Variants in COL6A3 observed in about 807,000 individuals in gnomAD.
The protein encoded by COL6A3 is collagen type VI alpha 3 chain.
A neutral mutation model predicts 274.1 loss-of-function variants in COL6A3; 137 were observed. The observed-to-expected ratio is 0.50, with a 90% CI of 0.44 to 0.58. The LOEUF is 0.58. COL6A3 is among the 20% of genes least tolerant of loss of function. COL6A3 has a pLI of 0.00. For synonymous variants in COL6A3, 1,650 were observed against 1,650.6 expected, an observed-to-expected ratio of 1.00 and a Z score of 0.01; for missense variants, 3,950 against 4,124.9, an observed-to-expected ratio of 0.96 and a Z score of 1.16.
rs772017594 is a variant in COL6A3, at chr2:237,372,231, C to T, written c.3786G>A (p.Leu1262=). Residue 1262 remains leucine, a synonymous_variant, in exon 9 of 44, where the codon CTG becomes CTA. Coordinates refer to ENST00000295550, the MANE Select transcript of COL6A3 (RefSeq NM_004369.4). ...CCCGGGTGGTGTCAAAGCCCACGTC[C>T]AGGTAGTCAACCAGCCTCTCTATGA... ...RTLIERLVDY[L]DVGFDTTRVA... 1 of 1,614,098 alleles carries T rather than the reference C, an allele frequency of 6.2e-7. No homozygotes were observed. The highest frequency in any genetic ancestry group is 2.2e-5 in the East Asian group (1 of 44,852).
At chr2:237,385,359 G>A (rs554563429) in intron 4 of COL6A3, among the ~76,000 whole-genome samples, 6 of 152,158 alleles carry the variant, frequency 3.9e-5, no homozygotes, top group Admixed American at 2.0e-4. Context: ...TGTAATCAAG[G>A]GGTTGAAACT....
chr2:237,342,000 C>T (rs144765607), intron 37 of COL6A3, 65 bp downstream of exon 37: 3 of 1,305,852 alleles, frequency 2.3e-6, no homozygotes, highest in Admixed American at 1.8e-5. Flanking sequence ...TTCTCTCACT[C>T]TCCCATGGAT....
rs2078895302 is a variant in COL6A3, at chr2:237,413,060, T to C, written c.-31+893A>G. Among the ~76,000 whole-genome samples, 1 of 152,060 alleles carries C rather than the reference T, an allele frequency of 6.6e-6. No homozygotes were observed. ...ACATAGTAGGCCCCTTGAAACAGGT[T>C]CCCCAAACAGGCTGGCCACTGTCAG... On this transcript the variant is annotated intron_variant, in intron 1 of 43. Transcript: ENST00000295550. This position sits in a 1 kb window ranked among gnomAD's most constrained non-coding sequence, Gnocchi z 4.0.
intron 3 of COL6A3, among the ~76,000 whole-genome samples, chr2:237,393,059 C>G (rs547954356): frequency 6.6e-6 from 1 of 152,300 alleles, no homozygotes; most frequent in South Asian, 2.1e-4. Context: ...CTCATTAGCT[C>G]CCCATGCAGC....
At chr2:237,334,505 T>TTGG in intron 41 of COL6A3, 121 bp downstream of exon 41, 1 of 1,095,714 alleles carries the variant, frequency 9.1e-7, no homozygotes, top group Non-Finnish European at 1.4e-6. Context: ...GTTGTTGCTG[T>TTGG]TGTTGTTTTT....
At position 237,387,602 on chromosome 2, in the gene COL6A3, G is replaced by A. The variant is rs144746928; in HGVS notation, c.1292C>T (p.Pro431Leu). The stretch of plus-strand genomic sequence containing the variant: ...CATACCTTGTGTGACAATGGTTGGC[G>A]GTTTCAAGACAATGTGCCTTTGGGC... ...GVAQRHIVLK[P>L]PTIVTQVIEV... is the part of the protein sequence containing the mutation. Residue 431 changes from proline (P) to leucine (L), a missense_variant, in exon 4 of 44, where the codon CCG becomes CTG. Transcript: ENST00000295550. 1.5e-5 allele frequency: 24 copies of A among 1,613,742 alleles called. No homozygotes were observed. Among genetic ancestry groups the A allele is most frequent in the Admixed American group, 1.0e-4 (6 of 59,966 alleles).
chr2:237,389,980 T>C (rs1474670653), intron 3 of COL6A3, among the ~76,000 whole-genome samples: 26 of 152,064 alleles, frequency 1.7e-4, no homozygotes, highest in Non-Finnish European at 4.4e-5. Context: ...GGGTGTGAAT[T>C]ACACAGAAGG....
intron 28 of COL6A3, 46 bp downstream of exon 28, chr2:237,350,101 G>C: frequency 6.3e-7 from 1 of 1,588,664 alleles, no homozygotes; most frequent in South Asian, 1.1e-5. Flanking sequence ...GCACCTTCCA[G>C]CAAAGAGTCA....
intron 3 of COL6A3, among the ~76,000 whole-genome samples, chr2:237,390,314 A>G (rs1386528380): frequency 6.6e-6 from 1 of 152,234 alleles, no homozygotes; most frequent in African/African-American, 2.4e-5. Context: ...CTGAACATCT[A>G]CAGTGGCCAG....
intron 14 of COL6A3, among the ~76,000 whole-genome samples, chr2:237,362,280 G>A (rs1559230037): frequency 6.6e-6 from 1 of 152,184 alleles, no homozygotes; most frequent in African/African-American, 2.4e-5. Flanking sequence ...AGAGTCATGG[G>A]ATATGGTACC....
intron 26 of COL6A3, 134 bp from the exon 27 acceptor site, chr2:237,351,326 C>G (rs760759792): frequency 1.5e-5 from 12 of 785,686 alleles, no homozygotes; most frequent in Non-Finnish European, 2.3e-5. Flanking sequence ...CTGCAAATCC[C>G]AAGCACTCAG....
Position 237,413,465 on chromosome 2 carries a change from C to T in COL6A3, c.-31+488G>A, listed in dbSNP as rs1344701896. Among the ~76,000 whole-genome samples the T allele has an allele frequency of 1.3e-5, 2 of 152,182 alleles. No individual in the cohort carries two copies. ...TGCTCCACCAGGACCTTCCCATGGG[C>T]GGCCCTGGGCAGAAAACCCATGCAG... On this transcript the variant is annotated intron_variant, in intron 1 of 43. Coordinates refer to ENST00000295550, the MANE Select transcript of COL6A3 (RefSeq NM_004369.4). The surrounding 1 kb of genome is among the most constrained non-coding windows in gnomAD (Gnocchi z 4.0).
At chr2:237,362,221 G>T (rs2077453219) in intron 14 of COL6A3, among the ~76,000 whole-genome samples, 2 of 152,188 alleles carry the variant, frequency 1.3e-5, no homozygotes, top group Non-Finnish European at 2.9e-5. Context: ...AAGACTGAAG[G>T]TGGTTCCAGA....
Position 237,366,982 on chromosome 2 carries a change from T to G in COL6A3, c.5205A>C (p.Ala1735=). The change falls in exon 11 of 44, where the codon GCA becomes GCC. Residue 1735 remains alanine, a synonymous_variant. Coordinates refer to ENST00000295550, the MANE Select transcript of COL6A3 (RefSeq NM_004369.4). The stretch of plus-strand genomic sequence containing the variant: ...GGACCCGCTGGTCCAGGCGGCTGCC[T>G]GCCTCAGGCACAAAGTGGTTTACCC... The part of the protein sequence containing the change: ...HLRVNHFVPE[A]GSRLDQRVPQ... 6.2e-7 allele frequency: 1 copy of G among 1,614,266 alleles called. No individual in the cohort carries two copies. The highest frequency in any genetic ancestry group is 8.5e-7 in the Non-Finnish European group (1 of 1,180,054).
intron 5 of COL6A3, 47 bp from the exon 6 acceptor site, chr2:237,379,282 GA>G: frequency 6.2e-7 from 1 of 1,613,300 alleles, no homozygotes; most frequent in Non-Finnish European, 8.5e-7. Context: ...CAACCACGGA[GA>G]GTTTTATCAT....
intron 1 of COL6A3, among the ~76,000 whole-genome samples, chr2:237,412,219 C>A (rs2078873897): frequency 6.6e-6 from 1 of 152,260 alleles, no homozygotes; most frequent in South Asian, 2.1e-4. Flanking sequence ...GAAGAGCATA[C>A]AGGTCCCCTC....
rs2645773 is a variant in COL6A3, at chr2:237,368,202, A to G, written c.4900+361T>C. ...GCCAAGGAATGAGGGGACCTGGACTATATTGGGCATCTGGCCAGTAGGCAT... is the reference window on the plus strand; with the variant it reads ...GCCAAGGAATGAGGGGACCTGGACTGTATTGGGCATCTGGCCAGTAGGCAT... On this transcript the variant is annotated intron_variant, in intron 10 of 43. Transcript: ENST00000295550. The surrounding 1 kb of genome is among the most constrained non-coding windows in gnomAD (Gnocchi z 4.4). Among the ~76,000 whole-genome samples, 29,836 of 152,204 alleles carry G rather than the reference A, an allele frequency of 0.2. 3,189 individuals carry two copies. Among genetic ancestry groups the G allele is most frequent in the East Asian group, 0.29 (1,498 of 5,156 alleles).
At chr2:237,334,493 T>G in intron 41 of COL6A3, 133 bp downstream of exon 41, 3 of 980,238 alleles carry the variant, frequency 3.1e-6, no homozygotes, top group Non-Finnish European at 4.7e-6. Context: ...AGTTGTTTTG[T>G]TGTTGTTGCT....
At position 237,360,152 on chromosome 2, in the gene COL6A3, C is replaced by T. The variant is rs185047948; in HGVS notation, c.6218G>A (p.Arg2073His). ...YPGDEGGPGERGPPGVNGTQG... is the reference protein window; with the variant it reads ...YPGDEGGPGEHGPPGVNGTQG... ...AGTGCCGTTCACACCAGGCGGACCA[C>T]GCTCACCCTGTTGTGAGAGACAAAG... The change falls in exon 17 of 44, where the codon CGT becomes CAT. Residue 2073 changes from arginine to histidine, a missense_variant. Arg to His is a conservative substitution (Grantham distance 29, BLOSUM62 0). This residue lies in a region of COL6A3 where 92 missense variants were observed against 143.4 expected (regional missense o/e 0.64). Transcript: ENST00000295550. 52 of 1,614,182 alleles carry T rather than the reference C, an allele frequency of 3.2e-5. No individual in the cohort carries two copies. Among genetic ancestry groups the T allele is most frequent in the African/African-American group, 5.3e-5 (4 of 75,046 alleles).
Sources: gnomAD v4.1 joint callset for allele counts (sites outside exome capture counted in the v4.1 genomes callset) on GRCh38, gnomAD v4.1.1 for gene constraint, gnomAD v4.1.1 regional missense constraint, Gnocchi (gnomAD v3.1) non-coding constraint, MANE v1.5 for transcripts, NCBI Gene and HGNC (gene_info 2026-07-23, HGNC 2026-07-21) for gene names.